ENPEP: variants seen among roughly 807,000 people sequenced by gnomAD.
ENPEP encodes the protein AP-A.
In ENPEP, 103 loss-of-function variants were observed where a neutral mutation model predicts 114.5. The ratio of observed to expected loss-of-function variants is 0.90; its 90% CI spans 0.77 to 1.06. The LOEUF (loss-of-function observed/expected upper bound fraction) is 1.06. ENPEP is among the 50% of genes least tolerant of loss of function. The probability of loss-of-function intolerance (pLI) is 0.00; values close to 1 mark genes in which losing one functional copy is unlikely to be tolerated. For missense variants in ENPEP, 1,196 were observed against 1,161.3 expected (o/e 1.03, Z -0.43); for synonymous variants, 420 against 422.0 (o/e 1.00, Z 0.06).
intron 2 of ENPEP, 41 bp from the exon 3 acceptor site, chr4:110,490,992 G>A (rs1471680759): frequency 6.3e-7 from 1 of 1,586,616 alleles, no homozygotes. Flanking sequence ...ATATATGATT[G>A]ATATTTTGAT....
chr4:110,485,204 A>G (rs1021070983), intron 1 of ENPEP, among the ~76,000 whole-genome samples: 1 of 152,196 alleles, frequency 6.6e-6, no homozygotes, highest in Admixed American at 6.5e-5. Flanking sequence ...ATGTTTAGAA[A>G]CTTCAATTGA....
In ENPEP at chr4:110,477,005, C is replaced by G. The variant is rs761646685; in HGVS notation, c.591C>G (p.Asn197Lys). The change falls in exon 1 of 20, where the codon AAC becomes AAG. Residue 197 changes from asparagine (N) to lysine (K), a missense_variant. Asn to Lys is a moderately conservative substitution (Grantham distance 94, BLOSUM62 0). Coordinates refer to ENST00000265162, the MANE Select transcript of ENPEP (RefSeq NM_001977.4). ...LLTMEFAGWLNGSLVGFYRTT... is the reference protein window; with the variant it reads ...LLTMEFAGWLKGSLVGFYRTT... ...CCATGGAGTTCGCCGGCTGGCTGAA[C>G]GGCTCCCTCGTGGGATTTTATAGAA... The G allele has an allele frequency of 3.1e-6, 5 of 1,614,218 alleles. No homozygotes were observed. The Admixed American group carries it at 6.7e-5, about 22-fold the overall frequency.
chr4:110,547,572 G>C (rs1727115379), intron 13 of ENPEP, among the ~76,000 whole-genome samples: 1 of 152,014 alleles, frequency 6.6e-6, no homozygotes, highest in Non-Finnish European at 1.5e-5. Flanking sequence ...TTTTGAAAGG[G>C]GAAGAAAGTG....
rs1228590176 is a variant in ENPEP at position 110,479,385 on chromosome 4, C to T, written c.644+2327C>T. Reference sequence around the variant, plus strand: ...AAGGCGCATCCTTATATTGACTATCCTTGTAAATAACTATTTATGGACATT... The same window carrying T: ...AAGGCGCATCCTTATATTGACTATCTTTGTAAATAACTATTTATGGACATT... On this transcript the variant is annotated intron_variant, in intron 1 of 19. Transcript: ENST00000265162. Among the ~76,000 whole-genome samples, 6 of 152,060 alleles carry T rather than the reference C, an allele frequency of 3.9e-5. No homozygotes were observed. The East Asian group carries it at 1.2e-3, about 29-fold the overall frequency.
intron 11 of ENPEP, among the ~76,000 whole-genome samples, chr4:110,540,338 GGT>G (rs1726805201): frequency 6.6e-6 from 1 of 151,922 alleles, no homozygotes; most frequent in African/African-American, 2.4e-5. Context: ...AACTGTGGTG[GGT>G]AATTTTTATA....
chr4:110,512,779 A>G (rs1300934294), intron 6 of ENPEP: 1 of 152,246 alleles, frequency 6.6e-6, no homozygotes, highest in Non-Finnish European at 1.5e-5. Flanking sequence ...AATTACTTCT[A>G]TTTAATGGGT....
rs1464985766 is a variant in ENPEP at position 110,476,263 on chromosome 4, A to C, written c.-152A>C. 2 of 899,998 alleles carry C rather than the reference A, an allele frequency of 2.2e-6. No homozygotes were observed. Among genetic ancestry groups the C allele is most frequent in the Non-Finnish European group, 3.2e-6 (2 of 620,572 alleles). 55.8% of individuals were successfully genotyped at this position (899,998 alleles called of 1,614,324 possible). On this transcript the variant is annotated 5_prime_UTR_variant, in exon 1 of 20. Transcript: ENST00000265162. ...GTGGGAACGTGAAAAGGGAGAGGAA[A>C]AGGCGCAAGAAGCCAGAGAGAGGGG...
intron 7 of ENPEP, among the ~76,000 whole-genome samples, chr4:110,514,290 T>G (rs901930343): frequency 1.3e-5 from 2 of 152,024 alleles, no homozygotes; most frequent in African/African-American, 4.8e-5. Flanking sequence ...ATACCTAAAG[T>G]CTTATTTGAG....
chr4:110,539,007 C>A (rs948800815), intron 11 of ENPEP, among the ~76,000 whole-genome samples: 1 of 152,100 alleles, frequency 6.6e-6, no homozygotes, highest in Non-Finnish European at 1.5e-5. Flanking sequence ...CTCCCCAAAA[C>A]AATTGCAATA....
chr4:110,521,847 T>G (rs1726002184), intron 10 of ENPEP, among the ~76,000 whole-genome samples: 1 of 151,096 alleles, frequency 6.6e-6, no homozygotes, highest in Non-Finnish European at 1.5e-5. Context: ...ATATGAACAG[T>G]CTAGCACCCA....
In ENPEP at chr4:110,513,787, TA is replaced by T. The variant is rs1399610410; in HGVS notation, c.1443+240del. Among the ~76,000 whole-genome samples, 4 of 152,322 alleles carry T rather than the reference TA, an allele frequency of 2.6e-5. No individual in the cohort carries two copies. In the East Asian group the frequency reaches 7.7e-4, roughly 29 times the overall value. ...GAATTTCTCTTTACACATTTGTATATAATTATTTTCATTCTGATAATTTAAT... is the reference window on the plus strand; with the variant it reads ...GAATTTCTCTTTACACATTTGTATATATTATTTTCATTCTGATAATTTAAT... On this transcript the variant is annotated intron_variant, in intron 7 of 19. Transcript: ENST00000265162.
intron 10 of ENPEP, among the ~76,000 whole-genome samples, chr4:110,526,998 T>C (rs1726221399): frequency 6.6e-6 from 1 of 152,208 alleles, no homozygotes; most frequent in African/African-American, 2.4e-5. Flanking sequence ...GCCATATTTA[T>C]TCAGAAGAGA....
chr4:110,501,230 T>C (rs1175432880), intron 3 of ENPEP, among the ~76,000 whole-genome samples: 2 of 152,222 alleles, frequency 1.3e-5, no homozygotes, highest in African/African-American at 2.4e-5. Context: ...GTAGCAGTTA[T>C]AGAATAAAAT....
intron 10 of ENPEP, among the ~76,000 whole-genome samples, chr4:110,530,343 T>C (rs969224794): frequency 6.6e-6 from 1 of 152,212 alleles, no homozygotes; most frequent in Non-Finnish European, 1.5e-5. Context: ...TTTTGTTATA[T>C]CTTGAAAAGG....
Position 110,488,630 on chromosome 4 carries a change from T to C in ENPEP, c.734T>C (p.Ile245Thr), listed in dbSNP as rs754212320. The change falls in exon 2 of 20, where the codon ATA (isoleucine) becomes ACA (threonine). Residue 245 changes from isoleucine to threonine, a missense_variant. Coordinates refer to ENST00000265162, the MANE Select transcript of ENPEP (RefSeq NM_001977.4). ...CCCAACAAAAAGGCAACTTATACAA[T>C]ATCTATCACCCATCCCAAAGAATAC... The part of the protein sequence containing the change: ...DEPNKKATYT[I>T]SITHPKEYGA... The C allele has an allele frequency of 5.0e-6, 8 of 1,613,882 alleles. No homozygotes were observed. The highest frequency in any genetic ancestry group is 5.9e-6 in the Non-Finnish European group (7 of 1,179,916).
In ENPEP at chr4:110,490,294, C is replaced by T. The variant is rs1359159407; in HGVS notation, c.787-739C>T. On this transcript the variant is annotated intron_variant, in intron 2 of 19. Transcript: ENST00000265162. ...ACGATTATACAAGGGCATGCACACC[C>T]GTGCTTGAAGTGTCAGCCGCACCCA... 2.6e-5 allele frequency among the ~76,000 whole-genome samples: 4 copies of T among 152,316 alleles called. No individual in the cohort carries two copies. The East Asian group carries it at 5.8e-4, about 22-fold the overall frequency.
Position 110,520,204 on chromosome 4 carries a change from T to A in ENPEP, c.1576-11T>A, listed in dbSNP as rs200423851. On this transcript the variant is annotated splice_polypyrimidine_tract_variant and intron_variant, in intron 9 of 19. Transcript: ENST00000265162. The stretch of plus-strand genomic sequence containing the variant: ...TTAATTAATTAATCTCCATTTTGTT[T>A]TCAATCTTAGGCAAGTAGGCTACCA... 1 of 1,612,006 alleles carries A rather than the reference T, an allele frequency of 6.2e-7. No homozygotes were observed. The highest frequency in any genetic ancestry group is 8.5e-7 in the Non-Finnish European group (1 of 1,178,738).
chr4:110,501,457 T>G (rs1429645569), intron 3 of ENPEP, among the ~76,000 whole-genome samples: 1 of 152,154 alleles, frequency 6.6e-6, no homozygotes, highest in Non-Finnish European at 1.5e-5. Flanking sequence ...CAAGTAGGCC[T>G]TGATGTCTAT....
At chr4:110,559,090 T>C (rs1727591097) in intron 18 of ENPEP, 1 of 152,548 alleles carries the variant, frequency 6.6e-6, no homozygotes, top group Admixed American at 6.5e-5. Flanking sequence ...ATGGTTAGAC[T>C]CCTGAAGTGA....
Sources: gnomAD v4.1 joint callset for allele counts (sites outside exome capture counted in the v4.1 genomes callset) on GRCh38, gnomAD v4.1.1 for gene constraint, MANE v1.5 for transcripts, NCBI Gene and HGNC (gene_info 2026-07-23, HGNC 2026-07-21) for gene names.